CADM2: variants seen among roughly 807,000 people sequenced by gnomAD.
The protein encoded by CADM2 is cell adhesion molecule 2.
A neutral mutation model predicts 49.8 loss-of-function variants in CADM2; 12 were observed. That is an observed-to-expected ratio of 0.24 (90% confidence interval 0.15 to 0.39). The LOEUF (loss-of-function observed/expected upper bound fraction) is 0.39. Among genes scored for constraint, CADM2 ranks in the 10% least tolerant of loss-of-function variants. The probability of loss-of-function intolerance (pLI) is 1.00; values close to 1 mark genes in which losing one functional copy is unlikely to be tolerated. For missense variants in CADM2, 378 were observed against 492.3 expected (o/e 0.77, Z 2.20); for synonymous variants, 214 against 175.4 (o/e 1.22, Z -1.74).
intron 3 of CADM2, among the ~76,000 whole-genome samples, chr3:85,847,694 A>G (rs1056452708): frequency 3.9e-5 from 6 of 152,160 alleles, no homozygotes; most frequent in Non-Finnish European, 1.5e-5. Context: ...CCAAACAAGG[A>G]TGTGGGTATA....
chr3:85,829,806 T>G (rs540215133), intron 3 of CADM2, among the ~76,000 whole-genome samples: 15 of 152,160 alleles, frequency 9.9e-5, no homozygotes, highest in Admixed American at 9.8e-4. Flanking sequence ...CTTAGCGTAA[T>G]GTTCTCCAGG....
chr3:85,134,344 C>T (rs1246351409), intron 1 of CADM2, among the ~76,000 whole-genome samples: 1 of 152,236 alleles, frequency 6.6e-6, no homozygotes, highest in Non-Finnish European at 1.5e-5. Context: ...CCCTCAAGTG[C>T]CGCCAAAGTG....
chr3:85,880,045 C>T (rs1215138598), intron 3 of CADM2, among the ~76,000 whole-genome samples: 2 of 152,154 alleles, frequency 1.3e-5, no homozygotes, highest in Non-Finnish European at 2.9e-5. Context: ...CAACCAAACG[C>T]TGTTCTCTAC....
At chr3:85,582,740 T>C (rs935313883) in intron 1 of CADM2, among the ~76,000 whole-genome samples, 2 of 152,118 alleles carry the variant, frequency 1.3e-5, no homozygotes, top group Admixed American at 6.6e-5. Flanking sequence ...ATTTGAACTC[T>C]TGGCAGACAT....
At chr3:86,013,128 C>A in intron 8 of CADM2, 1 of 1,338,946 alleles carries the variant, frequency 7.5e-7, no homozygotes, top group Non-Finnish European at 1.1e-6. Flanking sequence ...TTGAACAAAC[C>A]ACGTAAGTAG....
At position 85,587,762 on chromosome 3, in the gene CADM2, T is replaced by G. The variant is rs542522868; in HGVS notation, c.62-138760T>G. Among the ~76,000 whole-genome samples, 14 of 152,078 alleles carry G rather than the reference T, an allele frequency of 9.2e-5. No homozygotes were observed. In the South Asian group the frequency reaches 2.9e-3, roughly 31 times the overall value. On this transcript the variant is annotated intron_variant, in intron 1 of 9. Coordinates refer to ENST00000383699, the MANE Select transcript of CADM2 (RefSeq NM_001167675.2). ...ATTTCAGTTCAATGACATTTTTTTTTGAGACAGGATTTTGCTCTGTCACCC... is the reference window on the plus strand; with the variant it reads ...ATTTCAGTTCAATGACATTTTTTTTGGAGACAGGATTTTGCTCTGTCACCC...
chr3:85,997,438 T>G lies in CADM2; in HGVS notation c.970+35791T>G, dbSNP rs1577901129. On this transcript the variant is annotated intron_variant, in intron 8 of 9. Coordinates refer to ENST00000383699, the MANE Select transcript of CADM2 (RefSeq NM_001167675.2). ...TACAAATTTGTAGTAATCTCATCAC[T>G]GTTTTATTTTAAAACTTTTCCTTGA... Among the ~76,000 whole-genome samples, 3 of 152,312 alleles carry G rather than the reference T, an allele frequency of 2.0e-5. No individual in the cohort carries two copies. In the South Asian group the frequency reaches 6.2e-4, roughly 32 times the overall value.
chr3:85,402,055 G>T (rs181569187), intron 1 of CADM2, among the ~76,000 whole-genome samples: 1 of 151,896 alleles, frequency 6.6e-6, no homozygotes. Flanking sequence ...ATAGAAATAC[G>T]TTATTTCTAC....
At chr3:85,977,116 A>ATAC (rs1002519623) in intron 8 of CADM2, among the ~76,000 whole-genome samples, 11 of 151,204 alleles carry the variant, frequency 7.3e-5, no homozygotes, top group African/African-American at 2.7e-4. Context: ...GGGACTCCAA[A>ATAC]TACTACTATA....
At chr3:86,059,792 G>A (rs535115838) in intron 8 of CADM2, among the ~76,000 whole-genome samples, 9 of 152,154 alleles carry the variant, frequency 5.9e-5, no homozygotes, top group African/African-American at 1.9e-4. Flanking sequence ...CATCATTCAG[G>A]TAATACTTAT....
intron 1 of CADM2, among the ~76,000 whole-genome samples, chr3:85,335,932 A>G (rs552339654): frequency 2.6e-5 from 4 of 151,578 alleles, no homozygotes; most frequent in African/African-American, 9.6e-5. Context: ...AACCATACAA[A>G]GACAGCCTGT....
intron 1 of CADM2, among the ~76,000 whole-genome samples, chr3:85,124,470 T>A (rs977641874): frequency 2.6e-5 from 4 of 151,756 alleles, no homozygotes; most frequent in African/African-American, 9.7e-5. Context: ...CTGGGCACGG[T>A]GGTGCATGCC....
chr3:85,966,014 T>C (rs1308119178), intron 8 of CADM2, among the ~76,000 whole-genome samples: 1 of 151,672 alleles, frequency 6.6e-6, no homozygotes, highest in African/African-American at 2.4e-5. Context: ...ACTTCTTCCC[T>C]CTTAACCTTC....
At chr3:86,030,476 T>G (rs1445967781) in intron 8 of CADM2, among the ~76,000 whole-genome samples, 1 of 152,124 alleles carries the variant, frequency 6.6e-6, no homozygotes, top group African/African-American at 2.4e-5. Flanking sequence ...TTTATTATAC[T>G]TTTCTGCCAA....
intron 1 of CADM2, among the ~76,000 whole-genome samples, chr3:85,134,638 T>A (rs2039358960): frequency 6.6e-6 from 1 of 152,228 alleles, no homozygotes; most frequent in African/African-American, 2.4e-5. Flanking sequence ...CAAGTCTTTT[T>A]AAGATGTCTT....
At chr3:85,562,275 T>A (rs1047026252) in intron 1 of CADM2, among the ~76,000 whole-genome samples, 1 of 151,306 alleles carries the variant, frequency 6.6e-6, no homozygotes, top group Non-Finnish European at 1.5e-5. Flanking sequence ...AGGTCGGGAG[T>A]TCGAGACCAG....
chr3:85,721,764 G>C (rs1405571289), intron 1 of CADM2, among the ~76,000 whole-genome samples: 1 of 152,214 alleles, frequency 6.6e-6, no homozygotes, highest in Non-Finnish European at 1.5e-5. Context: ...CCAGGTCTTG[G>C]CTCCCCGAAG....
intron 1 of CADM2, among the ~76,000 whole-genome samples, chr3:85,507,385 C>T (rs765706378): frequency 5.3e-5 from 8 of 151,928 alleles, no homozygotes; most frequent in Non-Finnish European, 1.2e-4. Context: ...CATGGGGTTT[C>T]ACCATGTTGG....
At chr3:86,045,179 C>T (rs1052278347) in intron 8 of CADM2, among the ~76,000 whole-genome samples, 1 of 151,658 alleles carries the variant, frequency 6.6e-6, no homozygotes, top group Non-Finnish European at 1.5e-5. Flanking sequence ...GCACATTGTG[C>T]ACATGTACCC....
Sources: gnomAD v4.1 joint callset for allele counts (sites outside exome capture counted in the v4.1 genomes callset) on GRCh38, gnomAD v4.1.1 for gene constraint, MANE v1.5 for transcripts, NCBI Gene and HGNC (gene_info 2026-07-23, HGNC 2026-07-21) for gene names.